SEMA3D: variants seen among roughly 807,000 people sequenced by gnomAD.
SEMA3D encodes semaphorin-3D.
Under a neutral mutation model 100.1 loss-of-function variants are expected in SEMA3D, and 84 were observed. The ratio of observed to expected loss-of-function variants is 0.84; its 90% confidence interval spans 0.70 to 1.01. The LOEUF (loss-of-function observed/expected upper bound fraction) is 1.01. Ranked by LOEUF, SEMA3D falls within the 50% of genes least tolerant of loss-of-function variation. The probability of loss-of-function intolerance (pLI) is 0.00; values close to 1 mark genes in which losing one functional copy is unlikely to be tolerated. For synonymous variants in SEMA3D, 312 were observed against 320.7 expected (o/e 0.97, Z 0.29); for missense variants, 875 against 934.1 (o/e 0.94, Z 0.82).
intron 2 of SEMA3D, among the ~76,000 whole-genome samples, chr7:85,145,452 A>G (rs1389050614): frequency 6.6e-6 from 1 of 152,062 alleles, no homozygotes; most frequent in Non-Finnish European, 1.5e-5. Flanking sequence ...GTTATTTGGT[A>G]TTTAAGTACT....
At chr7:85,032,801 A>G (rs910525874) in intron 12 of SEMA3D, among the ~76,000 whole-genome samples, 2 of 152,062 alleles carry the variant, frequency 1.3e-5, no homozygotes, top group African/African-American at 4.8e-5. Context: ...AGTAACTGGC[A>G]TGTTTAAAAT....
chr7:85,074,779 G>A (rs572678928), intron 5 of SEMA3D, among the ~76,000 whole-genome samples: 3 of 151,842 alleles, frequency 2.0e-5, no homozygotes, highest in African/African-American at 4.8e-5. Context: ...ATCAACTCCC[G>A]GGTAATTTTC....
chr7:85,154,822 A>G (rs1790536468), intron 1 of SEMA3D, among the ~76,000 whole-genome samples: 1 of 152,182 alleles, frequency 6.6e-6, no homozygotes, highest in African/African-American at 2.4e-5. Flanking sequence ...GTTTGAACAC[A>G]TAATCTAAAG....
chr7:85,137,310 T>C (rs944104729), intron 2 of SEMA3D, among the ~76,000 whole-genome samples: 3 of 151,952 alleles, frequency 2.0e-5, no homozygotes, highest in Admixed American at 1.3e-4. Context: ...ATGACATATA[T>C]AGTATATACA....
At chr7:85,011,485 C>T (rs1376933634) in intron 17 of SEMA3D, among the ~76,000 whole-genome samples, 1 of 151,746 alleles carries the variant, frequency 6.6e-6, no homozygotes, top group African/African-American at 2.4e-5. Context: ...TAAAATTTAT[C>T]ATTTGACATA....
chr7:85,236,872 A>T, the SEMA3D span, among the ~76,000 whole-genome samples: 2 of 152,192 alleles, frequency 1.3e-5, no homozygotes, highest in Non-Finnish European at 2.9e-5. Flanking sequence ...AGAGCTAAAG[A>T]ATTTTAAAAA....
At chr7:85,132,140 C>T (rs977421272) in intron 2 of SEMA3D, among the ~76,000 whole-genome samples, 8 of 151,502 alleles carry the variant, frequency 5.3e-5, no homozygotes, top group African/African-American at 1.9e-4. Context: ...ATGTTTTTAC[C>T]AAGTATATTT....
rs946742725 is a variant in SEMA3D at position 85,122,074 on chromosome 7, C to T, written c.-40-143G>A. The T allele has an allele frequency of 1.4e-5, 7 of 510,424 alleles. No homozygotes were observed. In the African/African-American group the frequency reaches 1.4e-4, roughly 10 times the overall value. The allele number at this position is 510,424 out of a possible 1,614,324, so 31.6% of individuals were successfully genotyped here. On this transcript the variant is annotated intron_variant, in intron 2 of 18. Transcript: ENST00000284136. ...GACACAGGGAGGGGAACATAGCATA[C>T]CAGGGCCTGTTGGGGGCTGGGGGCT...
At chr7:85,160,600 T>C (rs1251799713) in intron 1 of SEMA3D, among the ~76,000 whole-genome samples, 3 of 152,014 alleles carry the variant, frequency 2.0e-5, no homozygotes, top group African/African-American at 4.8e-5. Flanking sequence ...GAAAACATCA[T>C]AGCAGCACAG....
chr7:85,127,599 C>T (rs959588645), intron 2 of SEMA3D, among the ~76,000 whole-genome samples: 3 of 152,020 alleles, frequency 2.0e-5, no homozygotes, highest in Non-Finnish European at 4.4e-5. Context: ...AAACAAAGTG[C>T]CTCCAAGGTC....
At chr7:85,028,632 G>A (rs1449706272) in intron 12 of SEMA3D, 2 of 209,704 alleles carry the variant, frequency 9.5e-6, no homozygotes, top group Non-Finnish European at 1.9e-5. Flanking sequence ...TACTGCTTGT[G>A]AACTTGCTAA....
chr7:85,243,981 A>ATATCTTGTTTAAGTATC, the SEMA3D span, among the ~76,000 whole-genome samples: 1 of 152,210 alleles, frequency 6.6e-6, no homozygotes, highest in South Asian at 2.1e-4. Context: ...GTTACAGTAT[A>ATATCTTGTTTAAGTATC]TATCTTGTTT....
chr7:85,138,670 TTA>T (rs1789941447), intron 2 of SEMA3D, among the ~76,000 whole-genome samples: 1 of 146,374 alleles, frequency 6.8e-6, no homozygotes, highest in African/African-American at 2.5e-5. Context: ...ATATATTAAA[TTA>T]AATATATATA....
At chr7:85,098,777 G>T (rs547975532) in intron 3 of SEMA3D, among the ~76,000 whole-genome samples, 1 of 151,932 alleles carries the variant, frequency 6.6e-6, no homozygotes, top group African/African-American at 2.4e-5. Flanking sequence ...AACCATTGTA[G>T]TATCATATAG....
At chr7:85,171,664 C>G (rs768756787) in intron 1 of SEMA3D, among the ~76,000 whole-genome samples, 1 of 151,766 alleles carries the variant, frequency 6.6e-6, no homozygotes, top group Non-Finnish European at 1.5e-5. Context: ...CCCTTTATGT[C>G]GCCCACAAAA....
chr7:85,018,381 C>T, intron 14 of SEMA3D, 88 bp from the exon 15 acceptor site: 1 of 807,498 alleles, frequency 1.2e-6, no homozygotes, highest in Non-Finnish European at 2.1e-6. Context: ...TGCCATATAT[C>T]ACTGAAGTAA....
intron 2 of SEMA3D, among the ~76,000 whole-genome samples, chr7:85,149,429 CAG>C (rs1307981404): frequency 6.6e-6 from 1 of 152,060 alleles, no homozygotes; most frequent in Non-Finnish European, 1.5e-5. Context: ...GCCTGGATGA[CAG>C]AGCAAGACTC....
At position 85,134,675 on chromosome 7, in the gene SEMA3D, C is replaced by T. The variant is rs145747496; in HGVS notation, c.-40-12744G>A. ...GTATCCCCAAAGCTTAACACAGTCT[C>T]TGGTATGGAGTCAGATGTGAGTATT... is the stretch of plus-strand genomic sequence containing the variant. On this transcript the variant is annotated intron_variant, in intron 2 of 18. Coordinates refer to ENST00000284136, the MANE Select transcript of SEMA3D (RefSeq NM_001384900.1). 1.1e-3 allele frequency among the ~76,000 whole-genome samples: 165 copies of T among 152,086 alleles called. 1 individual carries two copies. The highest frequency in any genetic ancestry group is 9.5e-3 in the South Asian group (46 of 4,822).
chr7:85,001,194 G>A (rs1789645083), intron 18 of SEMA3D, among the ~76,000 whole-genome samples: 1 of 152,164 alleles, frequency 6.6e-6, no homozygotes, highest in Admixed American at 6.5e-5. Flanking sequence ...GAGGCCAAAG[G>A]CAGGTCACAG....
Sources: allele counts gnomAD v4.1 joint callset (sites outside exome capture counted in the v4.1 genomes callset), GRCh38; gene constraint gnomAD v4.1.1; transcripts MANE v1.5; gene names NCBI Gene and HGNC (gene_info 2026-07-23, HGNC 2026-07-21).